Variants in PLAAT1 observed in about 807,000 individuals in gnomAD.
The protein encoded by PLAAT1 is phospholipase A and acyltransferase 1, also known as H-REV107 protein-related protein.
In PLAAT1, 13 loss-of-function variants were observed where a neutral mutation model predicts 16.4. The observed-to-expected ratio is 0.79, with a 90% confidence interval of 0.52 to 1.26. PLAAT1 has a LOEUF of 1.26. PLAAT1 is among the 50% of genes most tolerant of loss of function. The pLI, the probability that PLAAT1 is intolerant of heterozygous loss-of-function variation, is 0.00. For missense variants in PLAAT1, 218 were observed against 207.8 expected (o/e 1.05, Z -0.30); for synonymous variants, 73 against 78.4 (o/e 0.93, Z 0.36).
chr3:193,252,930 T>G (rs1005617919), intron 1 of PLAAT1, among the ~76,000 whole-genome samples: 6 of 130,302 alleles, frequency 4.6e-5, no homozygotes, highest in Admixed American at 1.6e-4. Context: ...CTGGAAGTTC[T>G]GGGGTCCCAG....
At chr3:193,251,269 G>C (rs1716183812) in intron 1 of PLAAT1, among the ~76,000 whole-genome samples, 1 of 152,176 alleles carries the variant, frequency 6.6e-6, no homozygotes, top group Non-Finnish European at 1.5e-5. Flanking sequence ...TTGAGAAATT[G>C]TAGGGCTGGA....
chr3:193,248,373 C>G (rs1244973615), intron 1 of PLAAT1, among the ~76,000 whole-genome samples: 1 of 151,606 alleles, frequency 6.6e-6, no homozygotes, highest in African/African-American at 2.4e-5. Context: ...TTGAACCATT[C>G]AATATGTTTT....
intron 2 of PLAAT1, among the ~76,000 whole-genome samples, chr3:193,258,489 A>AAC (rs59507674): frequency 0.9 from 137,053 of 151,802 alleles, 62,093 homozygotes; most frequent in East Asian, 0.98. Context: ...TGAAAGGATA[A>AAC]ATGATTGATA....
downstream of PLAAT1, among the ~76,000 whole-genome samples, chr3:193,271,635 A>G (rs1716983198): frequency 6.6e-6 from 1 of 152,218 alleles, no homozygotes; most frequent in Non-Finnish European, 1.5e-5. Context: ...ATTACATCAG[A>G]CATTGTAACA....
chr3:193,241,673 ACT>A, intron 1 of PLAAT1, 140 bp downstream of exon 1: 1 of 537,786 alleles, frequency 1.9e-6, no homozygotes, highest in African/African-American at 2.0e-5. Context: ...AGACTGGGGA[ACT>A]CAGTCCACAG....
At chr3:193,241,022 C>G, upstream of PLAAT1, 1 of 391,790 alleles carries the variant, frequency 2.6e-6, no homozygotes, top group Non-Finnish European at 4.3e-6. Flanking sequence ...GGCGGAATAA[C>G]TGGTTGCGCG....
intron 1 of PLAAT1, among the ~76,000 whole-genome samples, chr3:193,251,791 CT>C (rs1273417536): frequency 6.6e-6 from 1 of 152,064 alleles, no homozygotes; most frequent in Non-Finnish European, 1.5e-5. Flanking sequence ...GTGTAGGAGT[CT>C]TTCAGCTGGA....
intron 3 of PLAAT1, 38 bp downstream of exon 3, chr3:193,263,273 A>C (rs1479262177): frequency 6.3e-7 from 1 of 1,591,390 alleles, no homozygotes; most frequent in Non-Finnish European, 8.6e-7. Flanking sequence ...CATTGAGAAA[A>C]GAATAACTAT....
chr3:193,252,030 C>T (rs1029180303), intron 1 of PLAAT1, among the ~76,000 whole-genome samples: 3 of 152,058 alleles, frequency 2.0e-5, no homozygotes, highest in Admixed American at 6.5e-5. Context: ...TTTGAGACTG[C>T]GTAATGTATA....
At chr3:193,255,542 G>T in intron 1 of PLAAT1, 109 bp from the exon 2 acceptor site, 1 of 1,057,276 alleles carries the variant, frequency 9.5e-7, no homozygotes, top group Non-Finnish European at 1.3e-6. Context: ...CTTTAATATA[G>T]AATGCAGTCT....
chr3:193,280,064 C>CT (rs1479789377), downstream of PLAAT1, among the ~76,000 whole-genome samples: 1 of 135,842 alleles, frequency 7.4e-6, no homozygotes, highest in Non-Finnish European at 1.6e-5. Flanking sequence ...TTTTTCTTTC[C>CT]TTTTTTTTGA....
At chr3:193,275,572 T>C (rs1172709397), downstream of PLAAT1, among the ~76,000 whole-genome samples, 1 of 151,866 alleles carries the variant, frequency 6.6e-6, no homozygotes, top group Non-Finnish European at 1.5e-5. Context: ...TTAGAATGAT[T>C]TTCCCCTCAG....
At chr3:193,263,310 A>C in intron 3 of PLAAT1, 75 bp downstream of exon 3, 3 of 1,393,234 alleles carry the variant, frequency 2.2e-6, no homozygotes, top group Non-Finnish European at 2.0e-6. Flanking sequence ...CCCAGGCCTC[A>C]AACCAAATGA....
In PLAAT1 at chr3:193,241,591, A is replaced by C. The variant is rs1487590807; in HGVS notation, c.-1+58A>C. The C allele has an allele frequency of 8.5e-6, 10 of 1,182,528 alleles. No individual in the cohort carries two copies. In the East Asian group the frequency reaches 2.5e-4, roughly 30 times the overall value. The allele number at this position is 1,182,528 out of a possible 1,614,324, so 73.3% of individuals were successfully genotyped here. On this transcript the variant is annotated intron_variant, in intron 1 of 3. Transcript: ENST00000264735. Reference sequence around the variant, plus strand: ...GCGCCCCGGCAACCAACCGTGTTCTAACCAACTGGCAAGTGGGAAAAGTTG... The same window carrying C: ...GCGCCCCGGCAACCAACCGTGTTCTCACCAACTGGCAAGTGGGAAAAGTTG...
At chr3:193,271,240 G>T (rs1207377533), downstream of PLAAT1, among the ~76,000 whole-genome samples, 1 of 151,414 alleles carries the variant, frequency 6.6e-6, no homozygotes, top group Non-Finnish European at 1.5e-5. Flanking sequence ...GATGAGGGTG[G>T]ATGGGAAGAG....
chr3:193,240,684 T>TGTGTGG (rs1198933933), upstream of PLAAT1, among the ~76,000 whole-genome samples: 2 of 145,324 alleles, frequency 1.4e-5, no homozygotes, highest in African/African-American at 2.5e-5. Flanking sequence ...TGTGTGTGTG[T>TGTGTGG]GGTTGGAGGT....
chr3:193,274,852 A>AT (rs1391345482), downstream of PLAAT1: 4 of 714,268 alleles, frequency 5.6e-6, no homozygotes, highest in Non-Finnish European at 9.2e-6. Flanking sequence ...TTTTTCTCTC[A>AT]TTGGTAAAGC....
intron 3 of PLAAT1, among the ~76,000 whole-genome samples, chr3:193,264,511 C>CAT (rs1560104566): frequency 2.7e-5 from 4 of 147,870 alleles, no homozygotes. Context: ...TCTTCTTCTT[C>CAT]TTTTTTTTTT....
chr3:193,249,381 T>C (rs1047001470), intron 1 of PLAAT1, among the ~76,000 whole-genome samples: 1 of 152,226 alleles, frequency 6.6e-6, no homozygotes, highest in Non-Finnish European at 1.5e-5. Flanking sequence ...AGTAGATTCT[T>C]GTTTAATGTT....
Sources: gnomAD v4.1 joint callset for allele counts (sites outside exome capture counted in the v4.1 genomes callset) on GRCh38, gnomAD v4.1.1 for gene constraint, MANE v1.5 for transcripts, NCBI Gene and HGNC (gene_info 2026-07-23, HGNC 2026-07-21) for gene names.